The following MICOS10 variants were observed in gnomAD, a reference collection of about 807,000 sequenced individuals.
MICOS10 encodes mitochondrial contact site and cristae organizing system subunit 10.
A neutral mutation model predicts 13.4 loss-of-function variants in MICOS10; 5 were observed. The observed-to-expected ratio is 0.37, with a 90% CI of 0.20 to 0.78. MICOS10 has a LOEUF of 0.78. Ranked by LOEUF, MICOS10 falls within the 30% of genes least tolerant of loss-of-function variation. MICOS10 has a pLI of 0.47. For missense variants in MICOS10, 101 were observed against 94.6 expected (o/e 1.07, Z -0.28); for synonymous variants, 35 against 33.6 (o/e 1.04, Z -0.15).
rs570791928 is a variant in MICOS10 at position 19,625,655 on chromosome 1, A to G, written c.223-732A>G. ...CAGGTCTTTTGCTTAAAACATTTCC[A>G]TTGTTCCAAACTGAGTTGTCAGGGA... On this transcript the variant is annotated intron_variant, in intron 3 of 3. Coordinates refer to ENST00000322753, the MANE Select transcript of MICOS10 (RefSeq NM_001032363.4). The G allele has an allele frequency of 1.4e-5, 18 of 1,280,522 alleles. No homozygotes were observed. In the African/African-American group the frequency reaches 2.3e-4, roughly 16 times the overall value. 79.3% of individuals were successfully genotyped at this position (1,280,522 alleles called of 1,614,324 possible). A position where few individuals can be genotyped will look rare whatever the true frequency, so the allele number is the denominator to read the frequency against.
intron 1 of MICOS10, among the ~76,000 whole-genome samples, chr1:19,603,331 A>AAAAC (rs768406694): frequency 2.2e-4 from 33 of 152,262 alleles, no homozygotes; most frequent in African/African-American, 2.9e-4. Flanking sequence ...ACTCCATCTC[A>AAAAC]AAACAAACAA....
intron 1 of MICOS10, among the ~76,000 whole-genome samples, chr1:19,607,592 CTATTAATGTGCCATCATAT>C (rs2094840175): frequency 1.3e-5 from 2 of 152,138 alleles, no homozygotes; most frequent in Admixed American, 1.3e-4. Flanking sequence ...AATTGAATGC[CTATTAATGTGCCATCATAT>C]TTGGTACACT....
At chr1:19,614,693 A>T (rs1039857598) in intron 1 of MICOS10, 3 of 152,216 alleles carry the variant, frequency 2.0e-5, no homozygotes, top group African/African-American at 7.2e-5. Context: ...AAGCAATCCT[A>T]CACACCTTAG....
At chr1:19,607,099 A>C (rs889756833) in intron 1 of MICOS10, among the ~76,000 whole-genome samples, 1 of 152,226 alleles carries the variant, frequency 6.6e-6, no homozygotes, top group African/African-American at 2.4e-5. Context: ...AAATACTTCA[A>C]ATGCTTTTGG....
chr1:19,616,887 C>A (rs1737424), intron 1 of MICOS10, among the ~76,000 whole-genome samples: 16,689 of 152,244 alleles, frequency 0.11, 3,097 homozygotes, highest in African/African-American at 0.38. Flanking sequence ...AGCACACCCC[C>A]CATAAATGTG....
chr1:19,604,451 G>A (rs1174648176), intron 1 of MICOS10, among the ~76,000 whole-genome samples: 1 of 152,174 alleles, frequency 6.6e-6, no homozygotes, highest in Non-Finnish European at 1.5e-5. Flanking sequence ...GCAAGTTGCA[G>A]TGAGCTAAGA....
chr1:19,598,723 G>A (rs2094802430), intron 1 of MICOS10, among the ~76,000 whole-genome samples: 1 of 151,680 alleles, frequency 6.6e-6, no homozygotes, highest in African/African-American at 2.4e-5. Context: ...TGTAGCTTTG[G>A]GTAAAGTCTC....
At chr1:19,620,728 T>C (rs1408740701) in intron 1 of MICOS10, among the ~76,000 whole-genome samples, 5 of 152,204 alleles carry the variant, frequency 3.3e-5, no homozygotes, top group Non-Finnish European at 7.3e-5. Context: ...CTACTTGATA[T>C]TGATGGATGT....
At chr1:19,611,670 T>C (rs1173463737) in intron 1 of MICOS10, among the ~76,000 whole-genome samples, 1 of 151,852 alleles carries the variant, frequency 6.6e-6, no homozygotes, top group Admixed American at 6.6e-5. Context: ...TCATAACTTC[T>C]ACTTTAGAAG....
rs376811082 is a variant in MICOS10, at chr1:19,628,829, A to G, written c.*2428A>G. On this transcript the variant is annotated 3_prime_UTR_variant, in exon 4 of 4. Coordinates refer to ENST00000322753, the MANE Select transcript of MICOS10 (RefSeq NM_001032363.4). ...CAAATTCCCTAGACACATTAGAAAA[A>G]TAGGGAGTGGAGAGGGGCATTGGAA... 3 of 152,312 alleles carry G rather than the reference A, an allele frequency of 2.0e-5. 1 individual carries two copies. The allele number at this position is 152,312 out of a possible 1,614,324, so 9.4% of individuals were successfully genotyped here. A position where few individuals can be genotyped will look rare whatever the true frequency, so the allele number is the denominator to read the frequency against.
chr1:19,603,964 G>C (rs557905532), intron 1 of MICOS10, among the ~76,000 whole-genome samples: 1 of 152,158 alleles, frequency 6.6e-6, no homozygotes, highest in Non-Finnish European at 1.5e-5. Context: ...AAGAAAAAAG[G>C]CAAGCCATGG....
chr1:19,617,493 T>C (rs915691180), intron 1 of MICOS10, among the ~76,000 whole-genome samples: 3 of 152,206 alleles, frequency 2.0e-5, no homozygotes, highest in South Asian at 4.1e-4. Flanking sequence ...GGCATTTACA[T>C]GTGGACACCT....
At chr1:19,604,807 A>G (rs1354939677) in intron 1 of MICOS10, among the ~76,000 whole-genome samples, 1 of 152,126 alleles carries the variant, frequency 6.6e-6, no homozygotes, top group Admixed American at 6.5e-5. Context: ...GAGGAATGTG[A>G]AAAGGATGAG....
intron 1 of MICOS10, chr1:19,601,082 G>A (rs2094812867): frequency 7.0e-6 from 8 of 1,136,104 alleles, no homozygotes; most frequent in South Asian, 1.3e-5. Flanking sequence ...AATCACTCGT[G>A]TTTAGCATAG....
chr1:19,610,304 G>C (rs908044612), intron 1 of MICOS10, among the ~76,000 whole-genome samples: 10 of 141,606 alleles, frequency 7.1e-5, no homozygotes, highest in Admixed American at 2.2e-4. Flanking sequence ...GGAGGCTCTA[G>C]ATAAATGAGG....
intron 1 of MICOS10, among the ~76,000 whole-genome samples, chr1:19,604,876 G>A (rs1486285945): frequency 1.3e-5 from 2 of 152,114 alleles, no homozygotes; most frequent in Non-Finnish European, 2.9e-5. Flanking sequence ...ACCAGGTGGG[G>A]GAGTGTGTTT....
intron 3 of MICOS10, 129 bp from the exon 4 acceptor site, chr1:19,626,256 GAC>G: frequency 9.7e-7 from 1 of 1,034,388 alleles, no homozygotes; most frequent in East Asian, 2.5e-5. Flanking sequence ...CCTGTTGTGA[GAC>G]AGTTTTAACG....
At chr1:19,604,484 G>A (rs1386263268) in intron 1 of MICOS10, among the ~76,000 whole-genome samples, 3 of 152,090 alleles carry the variant, frequency 2.0e-5, no homozygotes, top group Non-Finnish European at 2.9e-5. Flanking sequence ...ACTCCAGCCT[G>A]GGCAACAGAG....
chr1:19,606,625 A>G (rs969108993), intron 1 of MICOS10, among the ~76,000 whole-genome samples: 4 of 152,154 alleles, frequency 2.6e-5, no homozygotes, highest in Admixed American at 6.5e-5. Context: ...GCATGCCTGT[A>G]ATCCCAGCTA....
Sources: allele counts gnomAD v4.1 joint callset (sites outside exome capture counted in the v4.1 genomes callset), GRCh38; gene constraint gnomAD v4.1.1; transcripts MANE v1.5; gene names NCBI Gene and HGNC (gene_info 2026-07-23, HGNC 2026-07-21).